Variants in CPNE5 observed in about 807,000 individuals in gnomAD.
The protein encoded by CPNE5 is copine 5.
A neutral mutation model predicts 81.1 loss-of-function variants in CPNE5; 42 were observed. The observed-to-expected ratio is 0.52, with a 90% CI of 0.40 to 0.67. CPNE5 has a LOEUF of 0.67. CPNE5 is among the 30% of genes least tolerant of loss of function. The pLI is 0.00. For missense variants in CPNE5, 612 were observed against 815.5 expected, an observed-to-expected ratio of 0.75 and a Z score of 3.04; for synonymous variants, 313 against 321.5, an observed-to-expected ratio of 0.97 and a Z score of 0.28.
rs529467517 is a variant in CPNE5, at chr6:36,743,597, T to C, written c.1563+92A>G. On this transcript the variant is annotated intron_variant, in intron 20 of 20. Transcript: ENST00000244751. ...CTCCCAGTGCCTCCCTTCTGGGCCC[T>C]TCACCAGGGAAGCCCCCAAAGGGGG... The C allele has an allele frequency of 1.1e-5, 14 of 1,278,558 alleles. No individual in the cohort carries two copies. The East Asian group carries it at 2.6e-4, about 23-fold the overall frequency. 79.2% of individuals were successfully genotyped at this position (1,278,558 alleles called of 1,614,324 possible).
rs1179956436 is a variant in CPNE5, at chr6:36,839,030, C to G, written c.95+253G>C. On this transcript the variant is annotated intron_variant, in intron 1 of 20. Coordinates refer to ENST00000244751, the MANE Select transcript of CPNE5 (RefSeq NM_020939.2). This position sits in a 1 kb window ranked among gnomAD's most constrained non-coding sequence, Gnocchi z 7.3. ...GTGCCTGGACCCCCTGTTCCTGTGT[C>G]TTCATATCTCCTCGATGCAACAGCC... 6.6e-6 allele frequency among the ~76,000 whole-genome samples: 1 copy of G among 152,210 alleles called. No individual in the cohort carries two copies. The highest frequency in any genetic ancestry group is 1.5e-5 in the Non-Finnish European group (1 of 68,024).
At chr6:36,771,793 C>T (rs1767058359) in intron 10 of CPNE5, among the ~76,000 whole-genome samples, 1 of 149,424 alleles carries the variant, frequency 6.7e-6, no homozygotes, top group African/African-American at 2.5e-5. Flanking sequence ...CTGGCACCTC[C>T]TGAGTGTCTG....
rs916965444 is a variant in CPNE5, at chr6:36,742,184, G to A, written c.*84C>T. 3.4e-5 allele frequency: 39 copies of A among 1,148,896 alleles called. No homozygotes were observed. Among genetic ancestry groups the A allele is most frequent in the African/African-American group, 4.6e-5 (3 of 65,204 alleles). The allele number at this position is 1,148,896 out of a possible 1,614,324, so 71.2% of individuals were successfully genotyped here. A position where few individuals can be genotyped will look rare whatever the true frequency, so the allele number is the denominator to read the frequency against. ...CACAGATGTCCCAAAGGCCGGGCAG[G>A]CCAACTTCGGGGAGTCTGGGGCCCT... On this transcript the variant is annotated 3_prime_UTR_variant, in exon 21 of 21. Transcript: ENST00000244751.
At chr6:36,756,055 C>G in intron 13 of CPNE5, 190 bp downstream of exon 13, 1 of 588,748 alleles carries the variant, frequency 1.7e-6, no homozygotes, top group Non-Finnish European at 3.0e-6. Flanking sequence ...GTTGTGTGGT[C>G]TGCAAGTCAA....
chr6:36,798,774 C>T (rs1414038999), intron 4 of CPNE5, among the ~76,000 whole-genome samples: 1 of 152,072 alleles, frequency 6.6e-6, no homozygotes, highest in Non-Finnish European at 1.5e-5. Flanking sequence ...ATATGTTATA[C>T]CTCATTAAAA....
chr6:36,838,931 G>A (rs1773779941), intron 1 of CPNE5: 1 of 159,120 alleles, frequency 6.3e-6, no homozygotes, highest in African/African-American at 2.4e-5. Flanking sequence ...TCGTGATTTG[G>A]GGATGGGGTG....
In CPNE5 at chr6:36,792,093, A is replaced by G. The variant is rs1199195453; in HGVS notation, c.468T>C (p.Gly156=). 1 of 1,613,728 alleles carries G rather than the reference A, an allele frequency of 6.2e-7. No homozygotes were observed. The highest frequency in any genetic ancestry group is 1.3e-5 in the African/African-American group (1 of 75,002). ...GKPMPAVSNG[G]VPGKKCGTII... is the part of the protein sequence containing the mutation. ...TGGTGCCACATTTCTTTCCTGGGAC[A>G]CCACTGGGAGAGGAGAAGATGAAAG... Residue 156 remains glycine (G), a synonymous_variant, in exon 8 of 21, where the codon GGT becomes GGC. Coordinates refer to ENST00000244751, the MANE Select transcript of CPNE5 (RefSeq NM_020939.2).
chr6:36,829,211 C>A (rs945312760), intron 1 of CPNE5, among the ~76,000 whole-genome samples: 2 of 152,094 alleles, frequency 1.3e-5, no homozygotes, highest in Non-Finnish European at 2.9e-5. Context: ...AAACGGGAAT[C>A]CTGGCTGGGC....
At chr6:36,822,863 G>A (rs4711470) in intron 2 of CPNE5, among the ~76,000 whole-genome samples, 195 bp downstream of exon 2, 30,314 of 152,104 alleles carry the variant, frequency 0.2, 3,844 homozygotes, top group East Asian at 0.32. Flanking sequence ...CTTCACAAGC[G>A]TGCAGGCTGG....
At chr6:36,764,941 G>A (rs572732709) in intron 11 of CPNE5, among the ~76,000 whole-genome samples, 2 of 148,350 alleles carry the variant, frequency 1.3e-5, no homozygotes, top group East Asian at 2.0e-4. Context: ...GAGTCTTCAC[G>A]CGGAAAATGT....
chr6:36,788,857 C>T (rs868338037), intron 8 of CPNE5, among the ~76,000 whole-genome samples: 20 of 152,310 alleles, frequency 1.3e-4, no homozygotes, highest in African/African-American at 4.3e-4. Flanking sequence ...TCAAACTATG[C>T]TGGTGACACA....
chr6:36,777,830 C>T (rs1309006864), intron 9 of CPNE5, among the ~76,000 whole-genome samples: 6 of 143,282 alleles, frequency 4.2e-5, no homozygotes, highest in African/African-American at 1.3e-4. Context: ...ATTGGGGGGA[C>T]GGTCTTTCTG....
chr6:36,751,806 A>T (rs1582725767), intron 14 of CPNE5, among the ~76,000 whole-genome samples: 2 of 129,752 alleles, frequency 1.5e-5, no homozygotes. Flanking sequence ...AAAAATAAAT[A>T]AAATAAAATA....
At chr6:36,823,001 A>G in intron 2 of CPNE5, 57 bp downstream of exon 2, 1 of 1,417,476 alleles carries the variant, frequency 7.1e-7, no homozygotes, top group South Asian at 1.5e-5. Flanking sequence ...TTGCCGCTGT[A>G]ATTAGTCATA....
intron 3 of CPNE5, among the ~76,000 whole-genome samples, chr6:36,811,246 G>C (rs1771077121): frequency 6.6e-6 from 1 of 152,270 alleles, no homozygotes; most frequent in African/African-American, 2.4e-5. Flanking sequence ...ATCATGGAGG[G>C]GGCCCTGGGA....
In CPNE5 at chr6:36,742,076, C is replaced by T. The variant is rs1763621275; in HGVS notation, c.*192G>A. ...CCCTCTTTCACCCGTACCCCCCTAA[C>T]TCCCTGGGTTTGGGCAATAAGTGAG... On this transcript the variant is annotated 3_prime_UTR_variant, in exon 21 of 21. Coordinates refer to ENST00000244751, the MANE Select transcript of CPNE5 (RefSeq NM_020939.2). 2 of 581,404 alleles carry T rather than the reference C, an allele frequency of 3.4e-6. No homozygotes were observed. Among genetic ancestry groups the T allele is most frequent in the Non-Finnish European group, 6.1e-6 (2 of 327,150 alleles). The allele number at this position is 581,404 out of a possible 1,614,324, so 36.0% of individuals were successfully genotyped here.
intron 3 of CPNE5, among the ~76,000 whole-genome samples, chr6:36,804,953 A>T (rs1278148307): frequency 6.6e-6 from 1 of 152,172 alleles, no homozygotes; most frequent in Non-Finnish European, 1.5e-5. Context: ...CAAAATCCAC[A>T]ATCTGGGGAC....
At chr6:36,799,482 A>G (rs1769908328) in intron 4 of CPNE5, among the ~76,000 whole-genome samples, 1 of 152,146 alleles carries the variant, frequency 6.6e-6, no homozygotes, top group Non-Finnish European at 1.5e-5. Flanking sequence ...CTGATCTTTA[A>G]TGTCAGGAGA....
chr6:36,792,975 TCA>T (rs1362247099), intron 7 of CPNE5, among the ~76,000 whole-genome samples: 4 of 152,066 alleles, frequency 2.6e-5, no homozygotes, highest in African/African-American at 9.7e-5. Context: ...TCTCTGAGCC[TCA>T]GTTTTCTCCC....
Sources: gnomAD v4.1 joint callset for allele counts (sites outside exome capture counted in the v4.1 genomes callset) on GRCh38, gnomAD v4.1.1 for gene constraint, Gnocchi (gnomAD v3.1) non-coding constraint, MANE v1.5 for transcripts, NCBI Gene and HGNC (gene_info 2026-07-23, HGNC 2026-07-21) for gene names.